Variants in ERC2 observed in about 807,000 individuals in gnomAD.
ERC2 encodes ERC protein 2.
Under a neutral mutation model 114.8 loss-of-function variants are expected in ERC2, and 42 were observed. That is an observed-to-expected ratio of 0.37 (90% CI 0.29 to 0.47). ERC2 has a LOEUF of 0.47. Ranked by LOEUF, ERC2 falls within the 20% of genes least tolerant of loss-of-function variation. The probability of loss-of-function intolerance (pLI) is 0.99; values close to 1 mark genes in which losing one functional copy is unlikely to be tolerated. For synonymous variants in ERC2, 454 were observed against 425.5 expected, an observed-to-expected ratio of 1.07 and a Z score of -0.82; for missense variants, 939 against 1,150.7, an observed-to-expected ratio of 0.82 and a Z score of 2.66.
intron 14 of ERC2, among the ~76,000 whole-genome samples, chr3:55,750,181 TTAAA>T (rs1314414971): frequency 5.9e-5 from 9 of 152,252 alleles, no homozygotes; most frequent in Admixed American, 2.0e-4. Flanking sequence ...ATATAAAGAC[TTAAA>T]TAATAAAATA....
chr3:56,371,587 T>C (rs1576635349), intron 2 of ERC2, among the ~76,000 whole-genome samples: 2 of 152,188 alleles, frequency 1.3e-5, no homozygotes, highest in African/African-American at 4.8e-5. Flanking sequence ...CAGTTAAAAA[T>C]GGCAGGGCCT....
At chr3:55,998,084 A>G (rs2071738409) in intron 10 of ERC2, among the ~76,000 whole-genome samples, 1 of 151,372 alleles carries the variant, frequency 6.6e-6, no homozygotes. Flanking sequence ...CTTAGTTCTA[A>G]AGGAAATTAT....
chr3:55,607,156 G>A (rs928718676), intron 17 of ERC2, among the ~76,000 whole-genome samples: 7 of 152,158 alleles, frequency 4.6e-5, no homozygotes, highest in African/African-American at 1.4e-4. Context: ...GTGACAAATA[G>A]GAACACAGAC....
chr3:55,908,165 C>G (rs770711155), intron 13 of ERC2, among the ~76,000 whole-genome samples: 10 of 152,180 alleles, frequency 6.6e-5, no homozygotes, highest in Admixed American at 2.6e-4. Flanking sequence ...GCAGGTTCTA[C>G]ATGGCCAGAT....
intron 4 of ERC2, among the ~76,000 whole-genome samples, chr3:56,172,925 G>A (rs959083618): frequency 6.6e-6 from 1 of 152,136 alleles, no homozygotes; most frequent in African/African-American, 2.4e-5. Context: ...TACTTTGCAA[G>A]TACTTAGTAA....
chr3:55,898,396 A>G (rs2063944526), intron 13 of ERC2, among the ~76,000 whole-genome samples: 1 of 152,170 alleles, frequency 6.6e-6, no homozygotes, highest in African/African-American at 2.4e-5. Flanking sequence ...CTTGAGAAGC[A>G]GTATAGGGAT....
At chr3:55,585,443 T>C (rs1481888044) in intron 17 of ERC2, among the ~76,000 whole-genome samples, 1 of 152,188 alleles carries the variant, frequency 6.6e-6, no homozygotes, top group Non-Finnish European at 1.5e-5. Flanking sequence ...CTGTCAGTTG[T>C]GACCTCAAGT....
intron 2 of ERC2, among the ~76,000 whole-genome samples, chr3:56,402,948 G>A (rs1239399690): frequency 6.6e-6 from 1 of 152,146 alleles, no homozygotes; most frequent in Non-Finnish European, 1.5e-5. Context: ...GGGATATTTA[G>A]CAGCATCCCT....
chr3:55,532,539 G>T (rs902143271), intron 17 of ERC2, among the ~76,000 whole-genome samples: 2 of 152,192 alleles, frequency 1.3e-5, no homozygotes, highest in African/African-American at 4.8e-5. Context: ...GTCAAGTACA[G>T]TTTCTAAGGC....
Position 55,882,715 on chromosome 3 carries a change from TATCAGGG to T in ERC2, c.2564+5667_2564+5673del, listed in dbSNP as rs554238108. ...TATATGCAAATACTATGCCATTTTA[TATCAGGG>T]ACTTCAGCATCTGTGGATTTTGGTA... On this transcript the variant is annotated intron_variant, in intron 14 of 17. Coordinates refer to ENST00000288221, the MANE Select transcript of ERC2 (RefSeq NM_015576.3). Among the ~76,000 whole-genome samples the T allele has an allele frequency of 7.2e-5, 11 of 152,368 alleles. No individual in the cohort carries two copies. The South Asian group carries it at 1.9e-3, about 26-fold the overall frequency.
chr3:56,392,438 G>T (rs1282065780), intron 2 of ERC2, among the ~76,000 whole-genome samples: 1 of 152,120 alleles, frequency 6.6e-6, no homozygotes, highest in African/African-American at 2.4e-5. Flanking sequence ...GAAAGGAAGA[G>T]GTGGGCATGT....
chr3:56,429,604 A>G (rs1303586560), intron 2 of ERC2, among the ~76,000 whole-genome samples: 1 of 152,256 alleles, frequency 6.6e-6, no homozygotes, highest in East Asian at 1.9e-4. Context: ...TCTGGTTTAT[A>G]CAAACAAGCA....
chr3:56,324,679 T>C (rs928950287), intron 2 of ERC2, among the ~76,000 whole-genome samples: 2 of 152,108 alleles, frequency 1.3e-5, no homozygotes, highest in Non-Finnish European at 2.9e-5. Context: ...AAACCATGAG[T>C]TCATGCTGAG....
intron 13 of ERC2, among the ~76,000 whole-genome samples, chr3:55,925,945 C>A (rs2065722938): frequency 2.0e-5 from 3 of 152,140 alleles, no homozygotes; most frequent in Admixed American, 2.0e-4. Context: ...TAGATGAACA[C>A]CTTCTGTCCT....
intron 17 of ERC2, among the ~76,000 whole-genome samples, chr3:55,680,686 A>G (rs1000390346): frequency 1.3e-5 from 2 of 152,198 alleles, no homozygotes; most frequent in African/African-American, 4.8e-5. Flanking sequence ...ATGCTTTGCC[A>G]GGGATGCCTA....
At chr3:55,593,824 T>A (rs1379679959) in intron 17 of ERC2, among the ~76,000 whole-genome samples, 3 of 152,182 alleles carry the variant, frequency 2.0e-5, no homozygotes, top group African/African-American at 7.2e-5. Flanking sequence ...CTCCCCTGTC[T>A]AAAAACTCTT....
At chr3:56,071,133 T>C (rs2076719760) in intron 7 of ERC2, among the ~76,000 whole-genome samples, 1 of 152,156 alleles carries the variant, frequency 6.6e-6, no homozygotes, top group Non-Finnish European at 1.5e-5. Context: ...CAATAATATA[T>C]GTATCCCCAG....
intron 17 of ERC2, among the ~76,000 whole-genome samples, chr3:55,578,692 G>A (rs1007376595): frequency 6.6e-6 from 1 of 152,168 alleles, no homozygotes; most frequent in South Asian, 2.1e-4. Flanking sequence ...TTGCTCATGA[G>A]TCCACAGGTC....
At chr3:56,258,272 A>T (rs547240340) in intron 3 of ERC2, among the ~76,000 whole-genome samples, 37 of 78,608 alleles carry the variant, frequency 4.7e-4, no homozygotes, top group African/African-American at 1.3e-3. Flanking sequence ...TGAAGGCCAT[A>T]CAGTCTCTGT....
Sources: allele counts gnomAD v4.1 joint callset (sites outside exome capture counted in the v4.1 genomes callset), GRCh38; gene constraint gnomAD v4.1.1; transcripts MANE v1.5; gene names NCBI Gene and HGNC (gene_info 2026-07-23, HGNC 2026-07-21).